The following PCLO variants were observed in gnomAD, a reference collection of about 807,000 sequenced individuals.
The protein encoded by PCLO is piccolo presynaptic cytomatrix protein.
In PCLO, 82 loss-of-function variants were observed where a neutral mutation model predicts 427.5. That is an observed-to-expected ratio of 0.19 (90% confidence interval 0.16 to 0.23). The LOEUF is 0.23. Among genes scored for constraint, PCLO ranks in the 10% least tolerant of loss-of-function variants. PCLO has a pLI of 1.00. For synonymous variants in PCLO, 2,357 were observed against 2,155.4 expected, an observed-to-expected ratio of 1.09 and a Z score of -2.59; for missense variants, 6,239 against 6,115.9, an observed-to-expected ratio of 1.02 and a Z score of -0.67.
intron 9 of PCLO, among the ~76,000 whole-genome samples, chr7:82,897,992 T>C (rs1289461049): frequency 6.6e-6 from 1 of 151,476 alleles, no homozygotes; most frequent in Non-Finnish European, 1.5e-5. Flanking sequence ...TATTAATGCA[T>C]TTAAAATAAT....
chr7:82,927,959 T>C (rs930124463), intron 6 of PCLO, among the ~76,000 whole-genome samples: 3 of 152,174 alleles, frequency 2.0e-5, no homozygotes, highest in African/African-American at 7.2e-5. Context: ...GTAAAAATCA[T>C]TAATTAAATT....
chr7:83,071,604 G>C (rs185831688), intron 3 of PCLO, among the ~76,000 whole-genome samples: 6 of 152,236 alleles, frequency 3.9e-5, no homozygotes, highest in African/African-American at 1.4e-4. Context: ...CAGTCAGGCA[G>C]ATGGGAGCAC....
chr7:83,156,316 C>A lies in PCLO; in HGVS notation c.325G>T (p.Gly109Cys). 1 of 1,612,916 alleles carries A rather than the reference C, an allele frequency of 6.2e-7. No homozygotes were observed. The highest frequency in any genetic ancestry group is 8.5e-7 in the Non-Finnish European group (1 of 1,179,658). Residue 109 changes from glycine to cysteine, a missense_variant, in exon 2 of 25, where the codon GGT becomes TGT. Physicochemically the swap from Gly to Cys is radical, Grantham distance 159. Coordinates refer to ENST00000333891, the MANE Select transcript of PCLO (RefSeq NM_033026.6). ...TCTGTAGTTCTACTTTTACTGAGACCAGGTTGAGCTGGACGCCCAGGGTCC... is the reference window on the plus strand; with the variant it reads ...TCTGTAGTTCTACTTTTACTGAGACAAGGTTGAGCTGGACGCCCAGGGTCC... Reference protein sequence around the residue: ...PPDPGRPAQPGLSKSRTTDTF... With the variant: ...PPDPGRPAQPCLSKSRTTDTF...
chr7:83,086,915 GTAGGGAC>G (rs1360933008), intron 3 of PCLO, among the ~76,000 whole-genome samples: 2 of 152,006 alleles, frequency 1.3e-5, no homozygotes, highest in Non-Finnish European at 2.9e-5. Flanking sequence ...CATGTCCTTT[GTAGGGAC>G]ATGGATGAAG....
chr7:82,799,847 T>A (rs1057013887), intron 22 of PCLO, among the ~76,000 whole-genome samples: 2 of 152,172 alleles, frequency 1.3e-5, no homozygotes, highest in Admixed American at 6.5e-5. Context: ...AATAGCTATT[T>A]TTCTGCTGCT....
chr7:82,969,228 A>G (rs1033446822), intron 3 of PCLO, among the ~76,000 whole-genome samples: 2 of 152,172 alleles, frequency 1.3e-5, no homozygotes, highest in Non-Finnish European at 2.9e-5. Context: ...TGAGGATAAA[A>G]GGTATCATCT....
intron 3 of PCLO, among the ~76,000 whole-genome samples, chr7:82,993,609 AT>A (rs1231769109): frequency 2.0e-5 from 3 of 151,358 alleles, no homozygotes; most frequent in Non-Finnish European, 4.4e-5. Flanking sequence ...TAAGGCATGT[AT>A]ATTTTTTTTA....
chr7:82,792,665 A>G (rs1423187092), intron 22 of PCLO, among the ~76,000 whole-genome samples: 1 of 152,088 alleles, frequency 6.6e-6, no homozygotes, highest in Non-Finnish European at 1.5e-5. Context: ...AAAAAAATAA[A>G]ATCTCACATC....
chr7:82,878,080 T>C (rs917797784), intron 10 of PCLO, among the ~76,000 whole-genome samples: 1 of 152,208 alleles, frequency 6.6e-6, no homozygotes, highest in Non-Finnish European at 1.5e-5. Context: ...GTTTGAGTTA[T>C]AGCATTTGCC....
At chr7:83,117,527 T>C (rs76633490) in intron 3 of PCLO, among the ~76,000 whole-genome samples, 2,749 of 152,296 alleles carry the variant, frequency 0.018, 91 homozygotes, top group African/African-American at 0.063. Context: ...ACAGGCAGCC[T>C]CAAGAGCTGA....
At chr7:83,036,563 T>C (rs1393266485) in intron 3 of PCLO, among the ~76,000 whole-genome samples, 1 of 152,110 alleles carries the variant, frequency 6.6e-6, no homozygotes, top group Non-Finnish European at 1.5e-5. Flanking sequence ...TATGTTATTA[T>C]TAATATAACC....
chr7:83,005,643 G>C (rs1787928069), intron 3 of PCLO, among the ~76,000 whole-genome samples: 1 of 151,566 alleles, frequency 6.6e-6, no homozygotes, highest in South Asian at 2.1e-4. Context: ...TGATGAATAT[G>C]TTTATCTGCT....
intron 22 of PCLO, among the ~76,000 whole-genome samples, chr7:82,787,913 C>T (rs980883471): frequency 2.6e-5 from 4 of 152,034 alleles, no homozygotes; most frequent in Non-Finnish European, 5.9e-5. Flanking sequence ...GTAATAAACA[C>T]TTGAAGAAAA....
chr7:82,894,299 T>C (rs1793847658), intron 9 of PCLO: 1 of 152,304 alleles, frequency 6.6e-6, no homozygotes, highest in African/African-American at 2.4e-5. Flanking sequence ...GCGCTGATCT[T>C]CAAGAACACT....
intron 10 of PCLO, among the ~76,000 whole-genome samples, chr7:82,851,575 A>T (rs1792655429): frequency 6.6e-6 from 1 of 152,142 alleles, no homozygotes; most frequent in African/African-American, 2.4e-5. Flanking sequence ...ATAAATGAAT[A>T]AAGAAATGAA....
intron 3 of PCLO, among the ~76,000 whole-genome samples, chr7:83,094,764 C>T (rs1790489755): frequency 6.6e-6 from 1 of 152,184 alleles, no homozygotes; most frequent in South Asian, 2.1e-4. Flanking sequence ...AAGAGTGCAA[C>T]TGCCAGGTTA....
intron 6 of PCLO, among the ~76,000 whole-genome samples, chr7:82,944,137 T>TAAAAAAA (rs71096608): frequency 8.9e-5 from 3 of 33,886 alleles, no homozygotes; most frequent in Non-Finnish European, 1.5e-4. Context: ...CAAGAATCCA[T>TAAAAAAA]AAAAAAAAAA....
At chr7:83,082,711 G>C (rs1008311409) in intron 3 of PCLO, among the ~76,000 whole-genome samples, 1 of 151,504 alleles carries the variant, frequency 6.6e-6, no homozygotes, top group Admixed American at 6.6e-5. Context: ...ACTCCGATTT[G>C]ATCATTACAC....
chr7:83,115,956 T>G (rs1791120644), intron 3 of PCLO, among the ~76,000 whole-genome samples: 1 of 151,886 alleles, frequency 6.6e-6, no homozygotes, highest in Non-Finnish European at 1.5e-5. Context: ...CACACATATA[T>G]AATACTCTCA....
Sources: gnomAD v4.1 joint callset for allele counts (sites outside exome capture counted in the v4.1 genomes callset) on GRCh38, gnomAD v4.1.1 for gene constraint, MANE v1.5 for transcripts, NCBI Gene and HGNC (gene_info 2026-07-23, HGNC 2026-07-21) for gene names.